SCLT1: variants seen among roughly 807,000 people sequenced by gnomAD.
The protein encoded by SCLT1 is sodium channel and clathrin linker 1, also known as sodium channel-associated protein 1.
In SCLT1, 78 loss-of-function variants were observed where a neutral mutation model predicts 112.8. The ratio of observed to expected loss-of-function variants is 0.69; its 90% CI spans 0.58 to 0.83. SCLT1 has a LOEUF of 0.83. Ranked by LOEUF, SCLT1 falls within the 40% of genes least tolerant of loss-of-function variation. SCLT1 has a pLI of 0.00. For missense variants in SCLT1, 747 were observed against 770.4 expected (o/e 0.97, Z 0.36); for synonymous variants, 257 against 254.7 (o/e 1.01, Z -0.09).
At chr4:129,048,852 T>C (rs905900162) in intron 2 of SCLT1, among the ~76,000 whole-genome samples, 9 of 152,078 alleles carry the variant, frequency 5.9e-5, no homozygotes, top group Non-Finnish European at 1.3e-4. Context: ...AAGAAGACAT[T>C]TATGCAGCCA....
In SCLT1 at chr4:129,077,936, C is replaced by T. The variant is rs146047014; in HGVS notation, c.102+4370G>A. Among the ~76,000 whole-genome samples the T allele has an allele frequency of 1.6e-3, 245 of 152,280 alleles. 1 individual carries two copies. The highest frequency in any genetic ancestry group is 6.8e-3 in the Middle Eastern group (2 of 294). On this transcript the variant is annotated intron_variant, in intron 2 of 20. Transcript: ENST00000281142. ...TTAATTTCCTCATGCTGTCATATCA[C>T]CTCCTCTCTTACTCCTCACCTCAAA...
downstream of SCLT1, among the ~76,000 whole-genome samples, chr4:128,882,918 G>A (rs537199105): frequency 6.6e-5 from 10 of 152,060 alleles, no homozygotes; most frequent in South Asian, 1.9e-3. Flanking sequence ...AGGCCGAGGC[G>A]GGCAGATCAC....
intron 9 of SCLT1, among the ~76,000 whole-genome samples, chr4:128,980,602 T>A (rs2126050449): frequency 6.6e-6 from 1 of 152,290 alleles, no homozygotes; most frequent in East Asian, 1.9e-4. Flanking sequence ...CATATTTAAA[T>A]GTCGAGAGAG....
intron 18 of SCLT1, among the ~76,000 whole-genome samples, chr4:128,934,447 G>T (rs1737022104): frequency 6.7e-6 from 1 of 150,054 alleles, no homozygotes; most frequent in Non-Finnish European, 1.5e-5. Context: ...GTATATTGGT[G>T]GGGGAGAATG....
chr4:129,069,030 AGTCCT>A (rs1561046594), intron 2 of SCLT1, among the ~76,000 whole-genome samples: 1 of 152,118 alleles, frequency 6.6e-6, no homozygotes, highest in Non-Finnish European at 1.5e-5. Flanking sequence ...TTGAAAAGGG[AGTCCT>A]TTCCCCACTT....
rs1738404195 is a variant in SCLT1, at chr4:128,948,515, A to G, written c.1274T>C (p.Val425Ala). The change falls in exon 15 of 21, where the codon GTG (valine) becomes GCG (alanine). Residue 425 changes from valine (V) to alanine (A), a missense_variant. By Grantham distance (64) the Val-to-Ala change is moderately conservative. This residue lies in a region of SCLT1 where 723 missense variants were observed against 721.3 expected (regional missense o/e 1.00). Transcript: ENST00000281142. ...TTTTACCTTTTCTAGTTCTTCTTCCACTGCTTTTTTTTCCTTAATGACTCG... is the reference window on the plus strand; with the variant it reads ...TTTTACCTTTTCTAGTTCTTCTTCCGCTGCTTTTTTTTCCTTAATGACTCG... The part of the protein sequence containing the change: ...IERVIKEKKA[V>A]EEELEKIYRE... 4.4e-6 allele frequency: 7 copies of G among 1,607,882 alleles called. No homozygotes were observed. The highest frequency in any genetic ancestry group is 6.0e-6 in the Non-Finnish European group (7 of 1,176,318).
chr4:128,966,843 G>GT (rs34186359), intron 10 of SCLT1, among the ~76,000 whole-genome samples: 57 of 146,120 alleles, frequency 3.9e-4, no homozygotes, highest in Non-Finnish European at 5.1e-4. Context: ...GTTTCCACAG[G>GT]TTTTTTTTTT....
intron 2 of SCLT1, among the ~76,000 whole-genome samples, chr4:129,081,478 T>C (rs1751932315): frequency 1.3e-5 from 2 of 152,152 alleles, no homozygotes; most frequent in African/African-American, 4.8e-5. Flanking sequence ...AAGCATGGCT[T>C]GGGAAGCCTC....
chr4:128,898,284 C>T (rs962792400), intron 18 of SCLT1, among the ~76,000 whole-genome samples: 3 of 152,176 alleles, frequency 2.0e-5, no homozygotes, highest in African/African-American at 7.2e-5. Flanking sequence ...TAAAGCACTC[C>T]TCAGCAAATG....
intron 5 of SCLT1, among the ~76,000 whole-genome samples, chr4:129,008,599 G>A (rs866629259): frequency 5.9e-5 from 9 of 152,014 alleles, no homozygotes; most frequent in African/African-American, 1.7e-4. Flanking sequence ...CAAATTACAC[G>A]AATTTTAGTT....
intron 2 of SCLT1, among the ~76,000 whole-genome samples, chr4:129,079,248 C>A (rs2125769219): frequency 1.3e-5 from 2 of 152,310 alleles, no homozygotes; most frequent in Middle Eastern, 6.8e-3. Flanking sequence ...AGTCTTAACT[C>A]ATTTCAGCAT....
chr4:128,965,409 A>C, intron 10 of SCLT1, 91 bp from the exon 11 acceptor site: 1 of 793,522 alleles, frequency 1.3e-6, no homozygotes, highest in Middle Eastern at 2.4e-4. Context: ...CATGCTATAA[A>C]GTTATTATGC....
At chr4:129,004,965 G>T (rs1743862318) in intron 5 of SCLT1, among the ~76,000 whole-genome samples, 1 of 151,344 alleles carries the variant, frequency 6.6e-6, no homozygotes, top group Non-Finnish European at 1.5e-5. Flanking sequence ...TTTCCTATAT[G>T]AAATGTTTAC....
chr4:128,916,075 C>T (rs1303777253), intron 18 of SCLT1, among the ~76,000 whole-genome samples: 1 of 152,148 alleles, frequency 6.6e-6, no homozygotes, highest in African/African-American at 2.4e-5. Context: ...TTTCTGGATC[C>T]ATTTGTATAC....
Position 128,975,040 on chromosome 4 carries a change from C to CTTTTTTTTTTTTTTTTTTTTTTTTTT in SCLT1, c.687-4573_687-4572insAAAAAAAAAAAAAAAAAAAAAAAAAA, listed in dbSNP as rs34603915. 2.1e-3 allele frequency among the ~76,000 whole-genome samples: 182 copies of CTTTTTTTTTTTTTTTTTTTTTTTTTT among 87,002 alleles called. 37 individuals are homozygous for CTTTTTTTTTTTTTTTTTTTTTTTTTT. The highest frequency in any genetic ancestry group is 5.2e-3 in the East Asian group (14 of 2,714). 57.1% of individuals were successfully genotyped at this position (87,002 alleles called of 152,430 possible). A position where few individuals can be genotyped will look rare whatever the true frequency, so the allele number is the denominator to read the frequency against. ...GATATTAAACAGATTTGAATGACAA[C>CTTTTTTTTTTTTTTTTTTTTTTTTTT]TTTTTTTTTTTTTTTTGAGATGGAG... is the stretch of plus-strand genomic sequence containing the variant. On this transcript the variant is annotated intron_variant, in intron 9 of 20. Transcript: ENST00000281142.
intron 13 of SCLT1, among the ~76,000 whole-genome samples, chr4:128,953,848 C>G (rs1738992169): frequency 6.6e-6 from 1 of 150,768 alleles, no homozygotes; most frequent in Non-Finnish European, 1.5e-5. Context: ...GTGCTTTTGA[C>G]TCATAAACAG....
chr4:129,006,950 T>C (rs1278145376), intron 5 of SCLT1, among the ~76,000 whole-genome samples: 2 of 152,234 alleles, frequency 1.3e-5, no homozygotes, highest in Non-Finnish European at 2.9e-5. Flanking sequence ...TGTTATTTTC[T>C]TTATTAATCA....
At chr4:129,053,603 C>G (rs868456558) in intron 2 of SCLT1, among the ~76,000 whole-genome samples, 4 of 42,018 alleles carry the variant, frequency 9.5e-5, no homozygotes, top group Admixed American at 6.8e-4. Flanking sequence ...TTTCCATTTG[C>G]TTGGTAAATA....
chr4:129,076,414 C>T (rs549833216), intron 2 of SCLT1, among the ~76,000 whole-genome samples: 1 of 151,926 alleles, frequency 6.6e-6, no homozygotes, highest in South Asian at 2.1e-4. Flanking sequence ...TCCTTTTTTC[C>T]CCCAGCAGAC....
Sources: allele counts gnomAD v4.1 joint callset (sites outside exome capture counted in the v4.1 genomes callset), GRCh38; gene constraint gnomAD v4.1.1; regional missense constraint gnomAD v4.1.1; transcripts MANE v1.5; gene names NCBI Gene and HGNC (gene_info 2026-07-23, HGNC 2026-07-21).